The following NEGR1 variants were observed in gnomAD, a reference collection of about 807,000 sequenced individuals.
The protein encoded by NEGR1 is neuronal growth regulator 1.
NEGR1 carries 10 observed loss-of-function variants against 40.9 expected under a neutral mutation model. The observed-to-expected ratio is 0.24, with a 90% CI of 0.15 to 0.42. NEGR1 has a LOEUF of 0.42. NEGR1 is among the 10% of genes least tolerant of loss of function. NEGR1 has a pLI of 1.00. For synonymous variants in NEGR1, 185 were observed against 166.8 expected (o/e 1.11, Z -0.84); for missense variants, 352 against 438.9 (o/e 0.80, Z 1.77).
intron 1 of NEGR1, among the ~76,000 whole-genome samples, chr1:72,199,681 A>AT (rs2100444499): frequency 6.6e-6 from 1 of 152,140 alleles, no homozygotes; most frequent in Non-Finnish European, 1.5e-5. Flanking sequence ...TGCAATATGC[A>AT]TTTTTAAATT....
intron 1 of NEGR1, among the ~76,000 whole-genome samples, chr1:72,166,730 GTAT>G (rs961728314): frequency 7.2e-5 from 11 of 152,074 alleles, no homozygotes; most frequent in Non-Finnish European, 1.5e-4. Context: ...AAAGCAGAGA[GTAT>G]TATTATGGTT....
At chr1:71,452,762 C>A (rs1191373253) in intron 6 of NEGR1, among the ~76,000 whole-genome samples, 1 of 150,882 alleles carries the variant, frequency 6.6e-6, no homozygotes, top group Non-Finnish European at 1.5e-5. Context: ...CTTAAAATGA[C>A]TAAGAAAGTG....
chr1:72,093,456 T>A (rs6702298), intron 1 of NEGR1, among the ~76,000 whole-genome samples: 5,047 of 152,178 alleles, frequency 0.033, 291 homozygotes, highest in African/African-American at 0.12. Flanking sequence ...GTTCTCATAG[T>A]TTTGGGGAAG....
chr1:72,087,450 A>T (rs933609922), intron 1 of NEGR1, among the ~76,000 whole-genome samples: 4 of 151,198 alleles, frequency 2.6e-5, no homozygotes, highest in Non-Finnish European at 5.9e-5. Flanking sequence ...ATATATATAT[A>T]TATATTATTA....
At chr1:72,071,116 G>A (rs1174604754) in intron 1 of NEGR1, among the ~76,000 whole-genome samples, 1 of 151,680 alleles carries the variant, frequency 6.6e-6, no homozygotes, top group Non-Finnish European at 1.5e-5. Context: ...CATAAGAAAT[G>A]AAAAATAGAA....
chr1:71,753,909 A>T (rs1655648875), intron 3 of NEGR1, among the ~76,000 whole-genome samples: 1 of 152,156 alleles, frequency 6.6e-6, no homozygotes, highest in Non-Finnish European at 1.5e-5. Context: ...TACAGACCAC[A>T]AGGAAAGGAA....
intron 1 of NEGR1, among the ~76,000 whole-genome samples, chr1:71,990,353 T>C (rs1294187303): frequency 1.3e-5 from 2 of 152,290 alleles, no homozygotes; most frequent in East Asian, 3.9e-4. Context: ...TGCTCTTTTC[T>C]ATTGTACTAT....
At chr1:71,823,451 T>C (rs1333780285) in intron 2 of NEGR1, among the ~76,000 whole-genome samples, 1 of 151,954 alleles carries the variant, frequency 6.6e-6, no homozygotes, top group Non-Finnish European at 1.5e-5. Context: ...AAATAAACTT[T>C]TAATGTTTAG....
chr1:72,090,302 G>A (rs1381418489), intron 1 of NEGR1, among the ~76,000 whole-genome samples: 1 of 148,142 alleles, frequency 6.8e-6, no homozygotes. Flanking sequence ...GGCCAGGGAG[G>A]ATCAAAACAG....
intron 6 of NEGR1, among the ~76,000 whole-genome samples, chr1:71,448,169 AAGGAT>A (rs1472257394): frequency 6.6e-6 from 1 of 152,070 alleles, no homozygotes; most frequent in Non-Finnish European, 1.5e-5. Flanking sequence ...GTTAAAAGGA[AAGGAT>A]AGAAATGAGG....
Position 71,407,138 on chromosome 1 carries a change from A to G in NEGR1, c.*308T>C, listed in dbSNP as rs1405460654. ...ACTACAGCCTGCAACCTAGCAGACCATGACTGAATGCTTTTGAAAAGTTGT... is the reference window on the plus strand; with the variant it reads ...ACTACAGCCTGCAACCTAGCAGACCGTGACTGAATGCTTTTGAAAAGTTGT... On this transcript the variant is annotated 3_prime_UTR_variant, in exon 7 of 7. Transcript: ENST00000357731. 1.0e-5 allele frequency: 2 copies of G among 198,686 alleles called. No individual in the cohort carries two copies. The highest frequency in any genetic ancestry group is 4.7e-5 in the African/African-American group (2 of 42,826). The allele number at this position is 198,686 out of a possible 1,614,324, so 12.3% of individuals were successfully genotyped here. A position where few individuals can be genotyped will look rare whatever the true frequency, so the allele number is the denominator to read the frequency against.
intron 4 of NEGR1, among the ~76,000 whole-genome samples, chr1:71,612,554 A>G (rs919530941): frequency 2.6e-5 from 4 of 152,204 alleles, no homozygotes; most frequent in Admixed American, 6.5e-5. Flanking sequence ...TAAACAGCAA[A>G]TATCACAAAT....
chr1:72,199,666 G>A (rs1012898934), intron 1 of NEGR1, among the ~76,000 whole-genome samples: 1 of 151,942 alleles, frequency 6.6e-6, no homozygotes, highest in African/African-American at 2.4e-5. Flanking sequence ...ACAAATCTAT[G>A]AAATTGCAAT....
At chr1:71,746,451 G>C (rs1315104931) in intron 3 of NEGR1, among the ~76,000 whole-genome samples, 1 of 152,106 alleles carries the variant, frequency 6.6e-6, no homozygotes, top group Non-Finnish European at 1.5e-5. Context: ...GGTTATAACT[G>C]ACAGCTATGA....
intron 2 of NEGR1, among the ~76,000 whole-genome samples, chr1:71,819,981 C>A (rs1215450672): frequency 6.6e-6 from 1 of 152,004 alleles, no homozygotes; most frequent in Non-Finnish European, 1.5e-5. Flanking sequence ...GGGGGACAGG[C>A]TGTTACAGAT....
At chr1:72,066,591 T>A (rs1647277876) in intron 1 of NEGR1, among the ~76,000 whole-genome samples, 1 of 152,072 alleles carries the variant, frequency 6.6e-6, no homozygotes. Context: ...TGGGCTGTAA[T>A]CCAGTGTGCC....
intron 1 of NEGR1, among the ~76,000 whole-genome samples, chr1:72,067,801 G>T (rs559978384): frequency 1.7e-3 from 255 of 152,096 alleles, no homozygotes; most frequent in African/African-American, 5.9e-3. Flanking sequence ...ATAAATAGCT[G>T]GTGACCACTT....
At chr1:71,976,747 T>C (rs2100329900) in intron 1 of NEGR1, among the ~76,000 whole-genome samples, 1 of 152,324 alleles carries the variant, frequency 6.6e-6, no homozygotes, top group South Asian at 2.1e-4. Context: ...AAGAGAAACA[T>C]TTATTTCCAA....
chr1:72,028,532 A>G (rs1340962827), intron 1 of NEGR1, among the ~76,000 whole-genome samples: 1 of 152,104 alleles, frequency 6.6e-6, no homozygotes, highest in Admixed American at 6.5e-5. Flanking sequence ...TCTCACCCCT[A>G]CCTACCTCTG....
Sources: allele counts gnomAD v4.1 joint callset (sites outside exome capture counted in the v4.1 genomes callset), GRCh38; gene constraint gnomAD v4.1.1; transcripts MANE v1.5; gene names NCBI Gene and HGNC (gene_info 2026-07-23, HGNC 2026-07-21).